Variants in ZCCHC17 observed in about 807,000 individuals in gnomAD.
ZCCHC17 encodes the protein zinc finger CCHC domain-containing protein 17.
ZCCHC17 carries 18 observed loss-of-function variants against 30.6 expected under a neutral mutation model. That is an observed-to-expected ratio of 0.59 (90% CI 0.41 to 0.87). The LOEUF is 0.87. Ranked by LOEUF, ZCCHC17 falls within the 40% of genes least tolerant of loss-of-function variation. The pLI is 0.00. For missense variants in ZCCHC17, 263 were observed against 284.2 expected (o/e 0.93, Z 0.54); for synonymous variants, 88 against 92.4 (o/e 0.95, Z 0.27).
intron 2 of ZCCHC17, among the ~76,000 whole-genome samples, chr1:31,315,606 T>A (rs7556340): frequency 0.54 from 82,602 of 152,004 alleles, 23,355 homozygotes; most frequent in Non-Finnish European, 0.62. Flanking sequence ...TACTTGGCTG[T>A]GCTACTATCT....
chr1:31,336,267 T>A (rs1638815220), intron 3 of ZCCHC17, among the ~76,000 whole-genome samples: 1 of 152,112 alleles, frequency 6.6e-6, no homozygotes, highest in Admixed American at 6.5e-5. Flanking sequence ...GAGATGGGGT[T>A]TTATCATGTT....
Position 31,298,377 on chromosome 1 carries a change from G to GTTT in ZCCHC17, c.-56+1309_-56+1311dup, listed in dbSNP as rs59616986. ...AACACTAGAAGATGATTAGAGACCA[G>GTTT]TTTTTTTTTGTTTTTTTTTTTTTTT... is the stretch of plus-strand genomic sequence containing the variant. On this transcript the variant is annotated intron_variant, in intron 1 of 7. Coordinates refer to ENST00000344147, the MANE Select transcript of ZCCHC17 (RefSeq NM_016505.4). Among the ~76,000 whole-genome samples, 60 of 145,684 alleles carry GTTT rather than the reference G, an allele frequency of 4.1e-4. 1 individual carries two copies. The highest frequency in any genetic ancestry group is 3.6e-3 in the East Asian group (17 of 4,706).
intron 2 of ZCCHC17, among the ~76,000 whole-genome samples, chr1:31,318,898 T>C (rs146351575): frequency 6.4e-4 from 97 of 152,244 alleles, no homozygotes; most frequent in African/African-American, 2.2e-3. Context: ...CACTCTAATC[T>C]CCCAGTGTTT....
chr1:31,340,353 T>C lies in ZCCHC17; in HGVS notation c.317+1305T>C, dbSNP rs898750374. Among the ~76,000 whole-genome samples, 8 of 135,984 alleles carry C rather than the reference T, an allele frequency of 5.9e-5. No individual in the cohort carries two copies. The Admixed American group carries it at 6.0e-4, about 10-fold the overall frequency. The allele number at this position is 135,984 out of a possible 152,430, so 89.2% of individuals were successfully genotyped here. ...TTTTTTTTGAGACAAGTTTCACTCTTGTTGCCCAGGCCGGAGTGCAATGGC... is the reference window on the plus strand; with the variant it reads ...TTTTTTTTGAGACAAGTTTCACTCTCGTTGCCCAGGCCGGAGTGCAATGGC... On this transcript the variant is annotated intron_variant, in intron 5 of 7. Transcript: ENST00000344147.
chr1:31,334,337 CTGTGTGTGTGTG>C (rs59851204), intron 3 of ZCCHC17, among the ~76,000 whole-genome samples: 3,033 of 85,432 alleles, frequency 0.036, 134 homozygotes, highest in African/African-American at 0.089. Flanking sequence ...CTCTCTCTCT[CTGTGTGTGTGTG>C]TGTGTGTGTG....
chr1:31,298,600 G>T (rs982739781), intron 1 of ZCCHC17, among the ~76,000 whole-genome samples: 4 of 152,114 alleles, frequency 2.6e-5, no homozygotes, highest in African/African-American at 7.2e-5. Context: ...GGCCAGGCTG[G>T]TCTCCAACTC....
At chr1:31,307,574 T>C (rs1409656685) in intron 1 of ZCCHC17, among the ~76,000 whole-genome samples, 1 of 151,292 alleles carries the variant, frequency 6.6e-6, no homozygotes, top group African/African-American at 2.4e-5. Context: ...TGGCTGATTT[T>C]TGTTGTTTTT....
At chr1:31,348,805 A>G in intron 6 of ZCCHC17, 24 bp from the exon 7 acceptor site, 3 of 1,611,920 alleles carry the variant, frequency 1.9e-6, no homozygotes, top group South Asian at 2.2e-5. Context: ...CTTTTTCTAT[A>G]CCTTTTCTAC....
chr1:31,314,574 G>A (rs574370341), intron 2 of ZCCHC17, among the ~76,000 whole-genome samples: 7 of 152,158 alleles, frequency 4.6e-5, no homozygotes, highest in Non-Finnish European at 7.4e-5. Flanking sequence ...TTAAGTAATC[G>A]CCTAGGGATT....
intron 3 of ZCCHC17, among the ~76,000 whole-genome samples, chr1:31,327,073 T>C (rs991583976): frequency 6.6e-6 from 1 of 152,204 alleles, no homozygotes; most frequent in African/African-American, 2.4e-5. Context: ...AGATTTTCTT[T>C]CCCCTCTCAT....
At chr1:31,321,149 TCG>T in intron 3 of ZCCHC17, among the ~76,000 whole-genome samples, 1 of 152,316 alleles carries the variant, frequency 6.6e-6, no homozygotes, top group East Asian at 1.9e-4. Context: ...ATTGTAGTTC[TCG>T]TAATCCCCAT....
intron 5 of ZCCHC17, among the ~76,000 whole-genome samples, chr1:31,341,318 A>T (rs1200997334): frequency 6.6e-6 from 1 of 152,200 alleles, no homozygotes; most frequent in Non-Finnish European, 1.5e-5. Flanking sequence ...TGTTGGGAAA[A>T]GGAAAAAGAA....
chr1:31,362,804 C>T (rs1204851650), intron 7 of ZCCHC17, among the ~76,000 whole-genome samples: 4 of 152,128 alleles, frequency 2.6e-5, no homozygotes, highest in Non-Finnish European at 5.9e-5. Context: ...GGGCGCCTTT[C>T]AGCTTTAATG....
intron 1 of ZCCHC17, among the ~76,000 whole-genome samples, chr1:31,300,539 A>T (rs1235225253): frequency 1.3e-5 from 2 of 152,184 alleles, no homozygotes; most frequent in Admixed American, 6.5e-5. Flanking sequence ...CAGATAGTTA[A>T]ATATAAAGAC....
intron 3 of ZCCHC17, among the ~76,000 whole-genome samples, chr1:31,324,270 C>T (rs377658664): frequency 7.2e-5 from 11 of 152,172 alleles, no homozygotes; most frequent in South Asian, 6.2e-4. Context: ...GCCAAGAGTT[C>T]GGGGCCAGGC....
intron 1 of ZCCHC17, among the ~76,000 whole-genome samples, chr1:31,305,373 G>A (rs940121820): frequency 6.6e-6 from 1 of 151,598 alleles, no homozygotes; most frequent in Non-Finnish European, 1.5e-5. Context: ...TCCATCTCTT[G>A]GGCTCAAGTG....
At chr1:31,359,983 CTTT>C (rs10711140) in intron 7 of ZCCHC17, among the ~76,000 whole-genome samples, 2 of 145,204 alleles carry the variant, frequency 1.4e-5, no homozygotes, top group Non-Finnish European at 1.5e-5. Context: ...GAACTACAAC[CTTT>C]TTTTTTTTTT....
At position 31,345,349 on chromosome 1, in the gene ZCCHC17, G is replaced by C. The variant is rs556235392; in HGVS notation, c.318-1291G>C. Among the ~76,000 whole-genome samples the C allele has an allele frequency of 7.8e-4, 117 of 150,660 alleles. 1 individual carries two copies. Among genetic ancestry groups the C allele is most frequent in the Non-Finnish European group, 1.3e-3 (87 of 67,766 alleles). ...TTTTTTGTATTTTTAGTAGAGACAG[G>C]GTTTCACCTTGTTAGCCAGGATGGT... On this transcript the variant is annotated intron_variant, in intron 5 of 7. Coordinates refer to ENST00000344147, the MANE Select transcript of ZCCHC17 (RefSeq NM_016505.4).
In ZCCHC17 at chr1:31,300,874, A is replaced by G. The variant is rs1447240786; in HGVS notation, c.-56+3799A>G. On this transcript the variant is annotated intron_variant, in intron 1 of 7. Coordinates refer to ENST00000344147, the MANE Select transcript of ZCCHC17 (RefSeq NM_016505.4). ...TCGCTTGAACCTGGGAGGAGGTTGC[A>G]GTGAGCTAAGATCGCGCCATTGCAC... is the stretch of plus-strand genomic sequence containing the variant. Among the ~76,000 whole-genome samples the G allele has an allele frequency of 2.0e-5, 3 of 151,788 alleles. 1 individual carries two copies. The highest frequency in any genetic ancestry group is 4.8e-5 in the African/African-American group (2 of 41,332).
Sources: gnomAD v4.1 joint callset for allele counts (sites outside exome capture counted in the v4.1 genomes callset) on GRCh38, gnomAD v4.1.1 for gene constraint, MANE v1.5 for transcripts, NCBI Gene and HGNC (gene_info 2026-07-23, HGNC 2026-07-21) for gene names.